The following CDH13 variants were observed in gnomAD, a reference collection of about 807,000 sequenced individuals.
The protein encoded by CDH13 is cadherin-13.
In CDH13, 24 loss-of-function variants were observed where a neutral mutation model predicts 63.8. That is an observed-to-expected ratio of 0.38 (90% CI 0.27 to 0.53). CDH13 has a LOEUF of 0.53. Among genes scored for constraint, CDH13 ranks in the 20% least tolerant of loss-of-function variants. CDH13 has a pLI of 0.85. For missense variants in CDH13, 1,049 were observed against 903.1 expected, an observed-to-expected ratio of 1.16 and a Z score of -2.07; for synonymous variants, 503 against 355.3, an observed-to-expected ratio of 1.42 and a Z score of -4.67.
chr16:83,229,990 G>C (rs768874794), intron 5 of CDH13, among the ~76,000 whole-genome samples: 10 of 152,182 alleles, frequency 6.6e-5, no homozygotes, highest in Non-Finnish European at 1.3e-4. Flanking sequence ...ATGCTGGGAG[G>C]AGAGCCCTGT....
intron 4 of CDH13, among the ~76,000 whole-genome samples, chr16:83,142,184 T>C (rs2036564206): frequency 1.6e-5 from 2 of 124,052 alleles, no homozygotes; most frequent in South Asian, 2.7e-4. Flanking sequence ...TTTTTTGAAA[T>C]GGAGTCTCAT....
chr16:82,953,464 C>T (rs753855984), intron 2 of CDH13: 1 of 152,074 alleles, frequency 6.6e-6, no homozygotes, highest in East Asian at 1.9e-4. Context: ...CTAATATAAT[C>T]TTACTTTTAC....
intron 9 of CDH13, among the ~76,000 whole-genome samples, chr16:83,671,229 C>G (rs563939364): frequency 1.1e-4 from 17 of 152,242 alleles, no homozygotes; most frequent in African/African-American, 3.8e-4. Flanking sequence ...GAAAACCAAA[C>G]TTAAGTGCAT....
intron 3 of CDH13, among the ~76,000 whole-genome samples, chr16:83,099,148 C>T (rs2034350608): frequency 6.6e-6 from 1 of 151,936 alleles, no homozygotes; most frequent in Non-Finnish European, 1.5e-5. Flanking sequence ...ATATAAGATC[C>T]TATTCTAACA....
intron 1 of CDH13, among the ~76,000 whole-genome samples, chr16:82,631,353 C>A (rs975387747): frequency 6.6e-6 from 1 of 152,204 alleles, no homozygotes; most frequent in African/African-American, 2.4e-5. Context: ...AAGGAGATAA[C>A]CTTCCCCCTT....
At chr16:83,654,015 G>C (rs978849312) in intron 8 of CDH13, among the ~76,000 whole-genome samples, 1 of 152,036 alleles carries the variant, frequency 6.6e-6, no homozygotes, top group African/African-American at 2.4e-5. Context: ...ATACTGACAG[G>C]GAATGAACAA....
chr16:83,373,225 G>A (rs1208006762), intron 6 of CDH13, among the ~76,000 whole-genome samples: 1 of 152,190 alleles, frequency 6.6e-6, no homozygotes, highest in Non-Finnish European at 1.5e-5. Context: ...ACAGTTGTAG[G>A]AGGACCTATT....
intron 2 of CDH13, among the ~76,000 whole-genome samples, chr16:82,882,416 C>G (rs2040736389): frequency 6.6e-6 from 1 of 152,172 alleles, no homozygotes; most frequent in Admixed American, 6.5e-5. Context: ...ACTCCGCTGC[C>G]AATGACCACC....
intron 3 of CDH13, among the ~76,000 whole-genome samples, chr16:83,052,960 A>G (rs2030536048): frequency 6.6e-6 from 1 of 152,064 alleles, no homozygotes; most frequent in Non-Finnish European, 1.5e-5. Context: ...TTTCCACGAT[A>G]GAAGACCGTG....
chr16:83,735,950 C>T (rs1476883195), intron 10 of CDH13: 1 of 152,134 alleles, frequency 6.6e-6, no homozygotes, highest in Non-Finnish European at 1.5e-5. Context: ...GGATAAAACA[C>T]ACTGAATGAA....
chr16:83,117,823 C>G lies in CDH13; in HGVS notation c.367-7562C>G, dbSNP rs13334068. ...CCCCTCACTGTTTCAGGGGTCTCCCCTTTATTTCTGATATGTGTTCTTTGG... is the reference window on the plus strand; with the variant it reads ...CCCCTCACTGTTTCAGGGGTCTCCCGTTTATTTCTGATATGTGTTCTTTGG... On this transcript the variant is annotated intron_variant, in intron 3 of 13. Coordinates refer to ENST00000567109, the MANE Select transcript of CDH13 (RefSeq NM_001257.5). Among the ~76,000 whole-genome samples the G allele has an allele frequency of 7.6e-4, 116 of 152,252 alleles. 1 individual carries two copies. The highest frequency in any genetic ancestry group is 2.6e-3 in the African/African-American group (110 of 41,570).
At chr16:83,556,954 T>G (rs1044557764) in intron 7 of CDH13, among the ~76,000 whole-genome samples, 1 of 152,130 alleles carries the variant, frequency 6.6e-6, no homozygotes, top group Non-Finnish European at 1.5e-5. Context: ...CAACCGATTT[T>G]CTACATAAGG....
At chr16:82,681,963 C>T (rs1447267992) in intron 1 of CDH13, among the ~76,000 whole-genome samples, 2 of 152,234 alleles carry the variant, frequency 1.3e-5, no homozygotes, top group Admixed American at 6.5e-5. Flanking sequence ...GCTGCCACCT[C>T]TCCTTTCATT....
intron 6 of CDH13, among the ~76,000 whole-genome samples, chr16:83,472,467 G>T (rs373658224): frequency 1.3e-5 from 2 of 152,216 alleles, no homozygotes; most frequent in Non-Finnish European, 1.5e-5. Flanking sequence ...GGAGCCCTGA[G>T]GTCGGCCCCG....
chr16:82,875,084 A>T (rs981046883), intron 2 of CDH13, among the ~76,000 whole-genome samples: 1 of 152,196 alleles, frequency 6.6e-6, no homozygotes, highest in African/African-American at 2.4e-5. Context: ...TATGCTTCCA[A>T]GGTTTTGTTC....
intron 2 of CDH13, among the ~76,000 whole-genome samples, chr16:82,903,532 A>G (rs905496809): frequency 6.6e-6 from 1 of 152,064 alleles, no homozygotes; most frequent in Admixed American, 6.6e-5. Flanking sequence ...CCCTGCCATT[A>G]TCTTTCTCTG....
chr16:83,478,186 T>C (rs1210249646), intron 6 of CDH13, among the ~76,000 whole-genome samples: 1 of 150,064 alleles, frequency 6.7e-6, no homozygotes, highest in Admixed American at 6.6e-5. Context: ...TCAAAAGATC[T>C]GGCTAGTCCA....
At chr16:82,979,978 A>T (rs1404857717) in intron 2 of CDH13, among the ~76,000 whole-genome samples, 2 of 152,188 alleles carry the variant, frequency 1.3e-5, no homozygotes, top group African/African-American at 4.8e-5. Flanking sequence ...TGACTCACTG[A>T]AATTTAATCA....
intron 3 of CDH13, among the ~76,000 whole-genome samples, chr16:83,069,625 A>C (rs1437408413): frequency 6.6e-6 from 1 of 152,184 alleles, no homozygotes; most frequent in Non-Finnish European, 1.5e-5. Context: ...CTACTATGCC[A>C]TGCTGCCTCT....
Sources: allele counts gnomAD v4.1 joint callset (sites outside exome capture counted in the v4.1 genomes callset), GRCh38; gene constraint gnomAD v4.1.1; transcripts MANE v1.5; gene names NCBI Gene and HGNC (gene_info 2026-07-23, HGNC 2026-07-21).